STARD13: variants seen among roughly 807,000 people sequenced by gnomAD.
STARD13 encodes the protein StAR related lipid transfer domain containing 13, also known as stAR-related lipid transfer protein 13.
A neutral mutation model predicts 106.4 loss-of-function variants in STARD13; 62 were observed. The ratio of observed to expected loss-of-function variants is 0.58; its 90% CI spans 0.48 to 0.72. STARD13 has a LOEUF of 0.72. Ranked by LOEUF, STARD13 falls within the 30% of genes least tolerant of loss-of-function variation. The pLI, the probability that STARD13 is intolerant of heterozygous loss-of-function variation, is 0.00. For synonymous variants in STARD13, 565 were observed against 553.0 expected (o/e 1.02, Z -0.31); for missense variants, 1,387 against 1,424.0 (o/e 0.97, Z 0.42).
the STARD13 span, among the ~76,000 whole-genome samples, chr13:33,455,484 G>C: frequency 6.6e-6 from 1 of 152,164 alleles, no homozygotes; most frequent in East Asian, 1.9e-4. Context: ...ATCAGATCTT[G>C]AGACAAAGCC....
chr13:33,392,820 G>C, the STARD13 span, among the ~76,000 whole-genome samples: 2 of 152,254 alleles, frequency 1.3e-5, no homozygotes, highest in East Asian at 3.9e-4. Flanking sequence ...ATGTGGACTG[G>C]GAGTCTAATT....
chr13:33,289,175 T>C (rs1461432171), upstream of STARD13, among the ~76,000 whole-genome samples: 7 of 152,150 alleles, frequency 4.6e-5, no homozygotes, highest in Non-Finnish European at 1.0e-4. Context: ...CCTCTCTAAT[T>C]CCTTTAAAAA....
the STARD13 span, among the ~76,000 whole-genome samples, chr13:33,625,891 G>C: frequency 2.4e-4 from 37 of 152,064 alleles, no homozygotes; most frequent in Admixed American, 7.2e-4. Flanking sequence ...TAGTAGAGAT[G>C]GGGTTTCACC....
intron 4 of STARD13, among the ~76,000 whole-genome samples, chr13:33,131,765 T>C (rs1429568943): frequency 6.6e-6 from 1 of 152,226 alleles, no homozygotes; most frequent in Non-Finnish European, 1.5e-5. Context: ...CAAGTGTCAG[T>C]GATACCAGTT....
chr13:33,130,205 C>G lies in STARD13; in HGVS notation c.472G>C (p.Asp158His), dbSNP rs147624272. The G allele has an allele frequency of 2.5e-6, 4 of 1,612,536 alleles. No individual in the cohort carries two copies. The African/African-American group carries it at 4.0e-5, about 16-fold the overall frequency. ...CCTCGAGGGAGCAGCGTGTAGAGGT[C>G]GTCCACACGAGACCACCTGCGACTG... is the stretch of plus-strand genomic sequence containing the variant. ...RTSRRWSRVD[D>H]LYTLLPRGDR... The change falls in exon 5 of 14, where the codon GAC becomes CAC. Residue 158 changes from aspartate (D) to histidine (H), a missense_variant. Asp to His is a moderately conservative substitution (Grantham distance 81). Transcript: ENST00000336934. The surrounding 1 kb of genome is among the most constrained non-coding windows in gnomAD (Gnocchi z 4.1).
chr13:33,467,155 A>C, the STARD13 span, among the ~76,000 whole-genome samples: 1 of 151,882 alleles, frequency 6.6e-6, no homozygotes, highest in African/African-American at 2.4e-5. Context: ...TCTCATTGTA[A>C]TATATAATAA....
intron 1 of STARD13, among the ~76,000 whole-genome samples, chr13:33,313,790 C>T (rs1893227993): frequency 6.6e-6 from 1 of 152,186 alleles, no homozygotes; most frequent in African/African-American, 2.4e-5. Flanking sequence ...TCATTAAACT[C>T]TCCTTAGCTG....
At chr13:33,644,340 C>T in the STARD13 span, among the ~76,000 whole-genome samples, 1 of 152,148 alleles carries the variant, frequency 6.6e-6, no homozygotes, top group Non-Finnish European at 1.5e-5. Flanking sequence ...CAAAGTTAGT[C>T]CAAGTAAGCA....
intron 1 of STARD13, among the ~76,000 whole-genome samples, chr13:33,230,236 A>T (rs1195920224): frequency 6.6e-6 from 1 of 152,216 alleles, no homozygotes; most frequent in Non-Finnish European, 1.5e-5. Context: ...GCAACATAAG[A>T]TCATCATCTG....
At position 33,112,747 on chromosome 13, in the gene STARD13, A is replaced by T; in HGVS notation, c.2466T>A (p.Asn822Lys). 6.2e-7 allele frequency: 1 copy of T among 1,603,342 alleles called. No individual in the cohort carries two copies. Among genetic ancestry groups the T allele is most frequent in the South Asian group, 1.1e-5 (1 of 88,754 alleles). Reference protein sequence around the residue: ...VCLAPSLFHLNLLKKESSPRV... With the variant: ...VCLAPSLFHLKLLKKESSPRV... ...GTGGAGAGCTTTCTTTCTTCAATAA[A>T]TTAAGATGAAAGAGGGAGGGGGCCA... The change falls in exon 9 of 14, where the codon AAT (asparagine) becomes AAA (lysine). Residue 822 changes from asparagine (N) to lysine (K), a missense_variant. Physicochemically the swap from Asn to Lys is moderately conservative, Grantham distance 94. Transcript: ENST00000336934.
At chr13:33,671,873 G>A in the STARD13 span, among the ~76,000 whole-genome samples, 1 of 152,120 alleles carries the variant, frequency 6.6e-6, no homozygotes, top group Non-Finnish European at 1.5e-5. Context: ...CAAATAATTT[G>A]CTTCTATTAT....
At chr13:33,353,259 A>G (rs574291352), upstream of STARD13, among the ~76,000 whole-genome samples, 17 of 152,156 alleles carry the variant, frequency 1.1e-4, no homozygotes, top group Non-Finnish European at 2.5e-4. Context: ...TTCCCTGTCA[A>G]CACTGCAATC....
At chr13:33,500,989 C>T in the STARD13 span, among the ~76,000 whole-genome samples, 8 of 147,680 alleles carry the variant, frequency 5.4e-5, no homozygotes, top group Non-Finnish European at 8.9e-5. Flanking sequence ...GTATAACTAT[C>T]GGAAAAATAT....
chr13:33,486,195 G>A, the STARD13 span, among the ~76,000 whole-genome samples: 1 of 152,144 alleles, frequency 6.6e-6, no homozygotes, highest in Non-Finnish European at 1.5e-5. Context: ...ATGTGAATGG[G>A]TTTCTCAGTG....
At chr13:33,328,100 G>A (rs1324364299) in intron 1 of STARD13, among the ~76,000 whole-genome samples, 1 of 152,116 alleles carries the variant, frequency 6.6e-6, no homozygotes, top group Admixed American at 6.5e-5. Context: ...CTCTCCACAG[G>A]GTTCTTGAAT....
chr13:33,218,306 T>C (rs866383273), intron 1 of STARD13, among the ~76,000 whole-genome samples: 12 of 143,936 alleles, frequency 8.3e-5, no homozygotes, highest in Admixed American at 2.7e-4. Context: ...TCCTGGGGAG[T>C]CAGACCCTTT....
At chr13:33,357,642 G>A in the STARD13 span, among the ~76,000 whole-genome samples, 612 of 152,266 alleles carry the variant, frequency 4.0e-3, 2 homozygotes, top group African/African-American at 0.013. Context: ...AATAAGTTGC[G>A]GAACCAAGAC....
At chr13:33,144,852 C>T (rs1435010769) in intron 3 of STARD13, among the ~76,000 whole-genome samples, 3 of 152,168 alleles carry the variant, frequency 2.0e-5, no homozygotes, top group African/African-American at 7.2e-5. Flanking sequence ...TTTGGAAGCA[C>T]AAACAAAACA....
At chr13:33,669,527 G>GTT in the STARD13 span, among the ~76,000 whole-genome samples, 1 of 130,496 alleles carries the variant, frequency 7.7e-6, no homozygotes, top group African/African-American at 3.2e-5. Context: ...AGAAGAGGAT[G>GTT]TTCTTTTTTT....
Sources: allele counts gnomAD v4.1 joint callset (sites outside exome capture counted in the v4.1 genomes callset), GRCh38; gene constraint gnomAD v4.1.1; non-coding constraint Gnocchi (gnomAD v3.1); transcripts MANE v1.5; gene names NCBI Gene and HGNC (gene_info 2026-07-23, HGNC 2026-07-21).